The following FCRLA variants were observed in gnomAD, a reference collection of about 807,000 sequenced individuals.
FCRLA encodes the protein Fc receptor-like A.
FCRLA carries 26 observed loss-of-function variants against 28.4 expected under a neutral mutation model. The observed-to-expected ratio is 0.91, with a 90% CI of 0.67 to 1.27. FCRLA has a LOEUF of 1.27. Ranked by LOEUF, FCRLA falls within the 50% of genes most tolerant of loss-of-function variation. The pLI, the probability that FCRLA is intolerant of heterozygous loss-of-function variation, is 0.00. For synonymous variants in FCRLA, 174 were observed against 168.5 expected (o/e 1.03, Z -0.25); for missense variants, 422 against 433.1 (o/e 0.97, Z 0.23).
At chr1:161,711,543 T>C (rs974064226) in intron 3 of FCRLA, 69 bp downstream of exon 3, 1 of 1,535,860 alleles carries the variant, frequency 6.5e-7, no homozygotes, top group African/African-American at 1.4e-5. Context: ...AAATTGTCTT[T>C]CTTTAGCCTG....
rs1683123924 is a variant in FCRLA, at chr1:161,711,973, C to G, written c.539C>G (p.Ala180Gly). 6.2e-7 allele frequency: 1 copy of G among 1,613,940 alleles called. No homozygotes were observed. The highest frequency in any genetic ancestry group is 1.3e-5 in the African/African-American group (1 of 74,914). Residue 180 changes from alanine to glycine, a missense_variant, in exon 4 of 5, where the codon GCT becomes GGT. Transcript: ENST00000236938. Reference sequence around the variant, plus strand: ...CCAATTCTCAGAGCTGTACCCTCAGCTGAACCCCAAGCAGGAAGCCCCATG... The same window carrying G: ...CCAATTCTCAGAGCTGTACCCTCAGGTGAACCCCAAGCAGGAAGCCCCATG... ...PAPILRAVPS[A>G]EPQAGSPMTL...
chr1:161,712,688 G>A (rs1290701808), intron 4 of FCRLA, among the ~76,000 whole-genome samples: 3 of 152,184 alleles, frequency 2.0e-5, no homozygotes, highest in South Asian at 2.1e-4. Context: ...CTATCCTGAA[G>A]AGGAGGTGAC....
chr1:161,710,161 T>C, intron 1 of FCRLA: 1 of 411,580 alleles, frequency 2.4e-6, no homozygotes, highest in East Asian at 5.0e-5. Context: ...AAGTAGACCA[T>C]ATTTGCACAG....
intron 1 of FCRLA, among the ~76,000 whole-genome samples, chr1:161,709,356 T>A (rs895294008): frequency 2.0e-4 from 30 of 152,300 alleles, no homozygotes; most frequent in African/African-American, 7.2e-4. Flanking sequence ...GGTCTCAAAC[T>A]CCTGGGCTCA....
rs756410172 is a variant in FCRLA at position 161,711,356 on chromosome 1, A to T, written c.381A>T (p.Glu127Asp). ...SALGPPGPNR[E>D]FSITVVQKAD... ...TGGGTCCCCCCGGGCCTAACAGGGA[A>T]TTCTCCATCACCGTGGTACAAAAGG... Residue 127 changes from glutamate (E) to aspartate (D), a missense_variant, in exon 3 of 5, where the codon GAA becomes GAT. This residue lies in a region of FCRLA where 231 missense variants were observed against 214.6 expected (regional missense o/e 1.08). Coordinates refer to ENST00000236938, the MANE Select transcript of FCRLA (RefSeq NM_032738.4). 6.2e-7 allele frequency: 1 copy of T among 1,614,204 alleles called. No homozygotes were observed. Among genetic ancestry groups the T allele is most frequent in the Admixed American group, 1.7e-5 (1 of 60,028 alleles).
Position 161,709,086 on chromosome 1 carries a change from G to A in FCRLA, c.80-1674G>A, listed in dbSNP as rs190809117. Among the ~76,000 whole-genome samples the A allele has an allele frequency of 3.9e-4, 60 of 152,106 alleles. 1 individual carries two copies. The highest frequency in any genetic ancestry group is 1.3e-3 in the African/African-American group (55 of 41,490). On this transcript the variant is annotated intron_variant, in intron 1 of 4. Transcript: ENST00000236938. ...AAAATAATAATACCTACCACCTAAG[G>A]TTTATTGAGTGAGTTCCCAGTAACC...
chr1:161,709,936 T>C (rs909158377), intron 1 of FCRLA, among the ~76,000 whole-genome samples: 1 of 152,042 alleles, frequency 6.6e-6, no homozygotes, highest in Non-Finnish European at 1.5e-5. Context: ...CAGAGAAAGC[T>C]CTGTGCCACT....
chr1:161,712,247 T>A, intron 4 of FCRLA, 29 bp downstream of exon 4: 1 of 1,592,470 alleles, frequency 6.3e-7, no homozygotes, highest in Non-Finnish European at 8.6e-7. Flanking sequence ...GCAGGTTGTC[T>A]GTTTGGCATG....
At chr1:161,708,718 C>A (rs1253574853) in intron 1 of FCRLA, among the ~76,000 whole-genome samples, 1 of 152,192 alleles carries the variant, frequency 6.6e-6, no homozygotes, top group Non-Finnish European at 1.5e-5. Context: ...CTTCTCCTTG[C>A]AAATGTGTAG....
At chr1:161,710,950 C>T (rs372413807) in intron 2 of FCRLA, 38 bp downstream of exon 2, 12 of 1,607,286 alleles carry the variant, frequency 7.5e-6, no homozygotes, top group Non-Finnish European at 8.5e-6. Context: ...GCCCCAAACC[C>T]CTTCTTTCAG....
intron 3 of FCRLA, 191 bp downstream of exon 3, chr1:161,711,665 G>A: frequency 1.3e-6 from 1 of 763,016 alleles, no homozygotes; most frequent in East Asian, 2.7e-5. Context: ...CCCACTCAGA[G>A]TCCAGCATAG....
intron 1 of FCRLA, 124 bp from the exon 2 acceptor site, chr1:161,710,636 G>A (rs1042260508): frequency 2.7e-5 from 39 of 1,445,730 alleles, no homozygotes; most frequent in East Asian, 1.4e-4. Flanking sequence ...AAAAAAAAAG[G>A]TTTTGATGTC....
At chr1:161,708,811 C>G (rs908448793) in intron 1 of FCRLA, among the ~76,000 whole-genome samples, 13 of 152,104 alleles carry the variant, frequency 8.5e-5, no homozygotes, top group African/African-American at 3.1e-4. Flanking sequence ...TGGCTGCTTG[C>G]GATACATTTT....
intron 1 of FCRLA, among the ~76,000 whole-genome samples, chr1:161,708,615 A>G (rs1486169253): frequency 6.6e-6 from 1 of 152,202 alleles, no homozygotes; most frequent in Non-Finnish European, 1.5e-5. Context: ...TCATATTTAC[A>G]TACTCACACA....
chr1:161,710,777 C>T lies in FCRLA; in HGVS notation c.97C>T (p.Leu33=), dbSNP rs765062969. ...QMLLAASFET[L]QCEGPVCTEE... is the part of the protein sequence containing the mutation. ...CTCTTCAGCTGCCAGTTTTGAGACG[C>T]TGCAGTGTGAGGGACCTGTCTGCAC... is the stretch of plus-strand genomic sequence containing the variant. The change falls in exon 2 of 5, where the codon CTG becomes TTG. Residue 33 remains leucine, a synonymous_variant. Transcript: ENST00000236938. The T allele has an allele frequency of 1.9e-6, 3 of 1,614,172 alleles. No homozygotes were observed. Among genetic ancestry groups the T allele is most frequent in the Non-Finnish European group, 2.5e-6 (3 of 1,180,024 alleles).
In FCRLA at chr1:161,712,231, C is replaced by A; in HGVS notation, c.784+13C>A. On this transcript the variant is annotated intron_variant, in intron 4 of 4. Transcript: ENST00000236938. ...ATCAGAGTGCAGGGTGAGTTCGCATCAGAGTGCAGGTTGTCTGTTTGGCAT... is the reference window on the plus strand; with the variant it reads ...ATCAGAGTGCAGGGTGAGTTCGCATAAGAGTGCAGGTTGTCTGTTTGGCAT... 2 of 1,604,576 alleles carry A rather than the reference C, an allele frequency of 1.2e-6. No individual in the cohort carries two copies. Among genetic ancestry groups the A allele is most frequent in the Non-Finnish European group, 8.5e-7 (1 of 1,174,454 alleles).
Position 161,711,411 on chromosome 1 carries a change from A to C in FCRLA, c.436A>C (p.Ile146Leu). The change falls in exon 3 of 5, where the codon ATC becomes CTC. Residue 146 changes from isoleucine to leucine, a missense_variant. Transcript: ENST00000236938. ...ADSGHYHCSG[I>L]FQSPGPGIPE... is the part of the protein sequence containing the mutation. Reference sequence around the variant, plus strand: ...CAGCGGGCACTACCACTGCAGTGGCATCTTCCAGAGCCCTGGTCCTGGGAT... The same window carrying C: ...CAGCGGGCACTACCACTGCAGTGGCCTCTTCCAGAGCCCTGGTCCTGGGAT... The C allele has an allele frequency of 1.2e-6, 2 of 1,614,240 alleles. No homozygotes were observed. Among genetic ancestry groups the C allele is most frequent in the Non-Finnish European group, 1.7e-6 (2 of 1,180,040 alleles).
chr1:161,710,379 C>G (rs1683031811), intron 1 of FCRLA: 1 of 1,161,416 alleles, frequency 8.6e-7, no homozygotes, highest in Non-Finnish European at 1.3e-6. Flanking sequence ...GTCTGGCACC[C>G]AGTGAACATT....
At chr1:161,711,858 C>T in intron 3 of FCRLA, 76 bp from the exon 4 acceptor site, 1 of 1,494,032 alleles carries the variant, frequency 6.7e-7, no homozygotes. Context: ...TATGACTCCC[C>T]AAGTCTCTTC....
Sources: allele counts gnomAD v4.1 joint callset (sites outside exome capture counted in the v4.1 genomes callset), GRCh38; gene constraint gnomAD v4.1.1; regional missense constraint gnomAD v4.1.1; transcripts MANE v1.5; gene names NCBI Gene and HGNC (gene_info 2026-07-23, HGNC 2026-07-21).